Variants in PRKCH observed in about 807,000 individuals in gnomAD.
PRKCH encodes protein kinase C eta.
Under a neutral mutation model 82.5 loss-of-function variants are expected in PRKCH, and 28 were observed. The observed-to-expected ratio is 0.34, with a 90% CI of 0.25 to 0.47. PRKCH has a LOEUF of 0.47. Ranked by LOEUF, PRKCH falls within the 20% of genes least tolerant of loss-of-function variation. The pLI is 1.00. For missense variants in PRKCH, 705 were observed against 881.8 expected (o/e 0.80, Z 2.54); for synonymous variants, 322 against 327.4 (o/e 0.98, Z 0.18).
At chr14:61,416,783 G>T (rs1270420596) in intron 2 of PRKCH, among the ~76,000 whole-genome samples, 1 of 152,096 alleles carries the variant, frequency 6.6e-6, no homozygotes, top group Non-Finnish European at 1.5e-5. Context: ...GGAGAGAATA[G>T]TCTGCCACCT....
chr14:61,528,976 G>GTGTA, intron 10 of PRKCH, 99 bp from the exon 11 acceptor site: 1 of 906,520 alleles, frequency 1.1e-6, no homozygotes, highest in Non-Finnish European at 1.5e-6. Context: ...GGCCGCACGT[G>GTGTA]TGTGTGTGTG....
chr14:61,252,192 G>T (rs1219578035), intron 1 of PRKCH, among the ~76,000 whole-genome samples: 5 of 152,070 alleles, frequency 3.3e-5, no homozygotes, highest in African/African-American at 1.2e-4. Flanking sequence ...TCACCAGATT[G>T]CTTCCCTCAG....
intron 1 of PRKCH, among the ~76,000 whole-genome samples, chr14:61,296,543 T>C (rs530468396): frequency 1.8e-4 from 27 of 152,266 alleles, no homozygotes; most frequent in Non-Finnish European, 3.4e-4. Flanking sequence ...TCACTTTCTT[T>C]CTCTAAAGTC....
intron 9 of PRKCH, among the ~76,000 whole-genome samples, chr14:61,465,324 C>T (rs899907131): frequency 1.3e-5 from 2 of 152,182 alleles, no homozygotes; most frequent in Non-Finnish European, 2.9e-5. Context: ...ATTTCTTCCC[C>T]TAAGTCATCA....
chr14:61,457,375 G>T (rs1040230171), intron 8 of PRKCH, 56 bp downstream of exon 8: 208 of 1,461,250 alleles, frequency 1.4e-4, no homozygotes, highest in Non-Finnish European at 1.9e-4. Context: ...TGTATGGGGG[G>T]TGTGTGTGTG....
intron 1 of PRKCH, among the ~76,000 whole-genome samples, chr14:61,375,855 G>A (rs2046421881): frequency 6.6e-6 from 1 of 151,844 alleles, no homozygotes; most frequent in Non-Finnish European, 1.5e-5. Flanking sequence ...TGAATATTTT[G>A]AAGGCTTGTG....
At chr14:61,411,187 T>A (rs1434594407) in intron 2 of PRKCH, among the ~76,000 whole-genome samples, 1 of 152,218 alleles carries the variant, frequency 6.6e-6, no homozygotes, top group Non-Finnish European at 1.5e-5. Flanking sequence ...CCAGCCTTCA[T>A]GCTCATCCTT....
At chr14:61,267,710 G>T (rs994257917) in intron 1 of PRKCH, among the ~76,000 whole-genome samples, 41 of 152,272 alleles carry the variant, frequency 2.7e-4, no homozygotes, top group African/African-American at 9.4e-4. Context: ...CACCTTTTCA[G>T]TTAATGCCAT....
chr14:61,331,858 T>C lies in PRKCH; in HGVS notation c.363+9394T>C, dbSNP rs144702984. Among the ~76,000 whole-genome samples the C allele has an allele frequency of 3.4e-3, 519 of 152,366 alleles. 1 individual carries two copies. Among genetic ancestry groups the C allele is most frequent in the African/African-American group, 0.011 (474 of 41,588 alleles). On this transcript the variant is annotated intron_variant, in intron 1 of 13. Coordinates refer to ENST00000332981, the MANE Select transcript of PRKCH (RefSeq NM_006255.5). ...TAGTAACTCCTAAGAATTAAATTGG[T>C]CCAAATCTAAATTGCTTAGAGTTGG...
chr14:61,240,025 G>A (rs1230645998), intron 1 of PRKCH, among the ~76,000 whole-genome samples: 1 of 152,162 alleles, frequency 6.6e-6, no homozygotes, highest in Non-Finnish European at 1.5e-5. Context: ...GGAGTTGAAT[G>A]CATCTCTAAA....
At chr14:61,283,274 C>T (rs1255889084) in intron 1 of PRKCH, among the ~76,000 whole-genome samples, 1 of 152,178 alleles carries the variant, frequency 6.6e-6, no homozygotes, top group Non-Finnish European at 1.5e-5. Context: ...TCTCCTATTC[C>T]TGGATGGCCT....
Position 61,190,422 on chromosome 14 carries a change from C to T in PRKCH, c.-19+2754C>T, listed in dbSNP as rs1566774883. 2.6e-5 allele frequency among the ~76,000 whole-genome samples: 4 copies of T among 152,206 alleles called. No homozygotes were observed. The South Asian group carries it at 8.3e-4, about 32-fold the overall frequency. On this transcript the variant is annotated intron_variant, in intron 1 of 3. Transcript: ENST00000555185. The stretch of plus-strand genomic sequence containing the variant: ...TATCAACCTTCTAGTCTCTCTGCCT[C>T]TACTCATGCCCTATTTAGTCCATTC...
At chr14:61,313,832 C>T (rs1485825196) in intron 1 of PRKCH, among the ~76,000 whole-genome samples, 1 of 152,136 alleles carries the variant, frequency 6.6e-6, no homozygotes, top group Admixed American at 6.6e-5. Flanking sequence ...GACCTGTTCC[C>T]ATGATTCAGC....
intron 9 of PRKCH, among the ~76,000 whole-genome samples, chr14:61,477,973 G>T (rs113252579): frequency 4.8e-4 from 73 of 152,266 alleles, no homozygotes; most frequent in Non-Finnish European, 9.3e-4. Flanking sequence ...TGTGAAGGAG[G>T]CCTCGAGACC....
chr14:61,287,528 T>C (rs112919966), intron 1 of PRKCH, among the ~76,000 whole-genome samples: 3,287 of 152,054 alleles, frequency 0.022, 68 homozygotes, highest in Middle Eastern at 0.054. Context: ...CTGGCCAACA[T>C]AGCGAGACTC....
chr14:61,544,724 C>T (rs2043232040), intron 12 of PRKCH: 1 of 152,208 alleles, frequency 6.6e-6, no homozygotes, highest in South Asian at 2.1e-4. Context: ...AATACTACTA[C>T]TACTAACACT....
chr14:61,519,682 T>C (rs1199046608), intron 10 of PRKCH, among the ~76,000 whole-genome samples: 1 of 152,182 alleles, frequency 6.6e-6, no homozygotes, highest in Non-Finnish European at 1.5e-5. Context: ...GAACACCAGA[T>C]TAAGTGTCTG....
chr14:61,502,043 T>A, intron 10 of PRKCH, among the ~76,000 whole-genome samples: 1 of 128,660 alleles, frequency 7.8e-6, no homozygotes, highest in Non-Finnish European at 1.6e-5. Context: ...AGGCAATCTT[T>A]TCTTTTCTTT....
intron 1 of PRKCH, among the ~76,000 whole-genome samples, chr14:61,372,483 A>G (rs1214068855): frequency 6.6e-6 from 1 of 152,104 alleles, no homozygotes; most frequent in Non-Finnish European, 1.5e-5. Context: ...CTGCTCTAAC[A>G]GTGAAAAACT....
Sources: gnomAD v4.1 joint callset for allele counts (sites outside exome capture counted in the v4.1 genomes callset) on GRCh38, gnomAD v4.1.1 for gene constraint, MANE v1.5 for transcripts, NCBI Gene and HGNC (gene_info 2026-07-23, HGNC 2026-07-21) for gene names.